TENT5D: variants seen among roughly 807,000 people sequenced by gnomAD.
The protein encoded by TENT5D is cancer/testis antigen 112.
For synonymous variants in TENT5D, 103 were observed against 100.6 expected (o/e 1.02, Z -0.15); for missense variants, 191 against 287.0 (o/e 0.67, Z 2.42).
intron 3 of TENT5D, among the ~76,000 whole-genome samples, chrX:80,356,486 C>T (rs1930286946): frequency 9.0e-6 from 1 of 111,363 alleles, no homozygotes; most frequent in African/African-American, 3.3e-5. Context: ...TTTTATGAAT[C>T]TGATCTCTTT....
intron 3 of TENT5D, among the ~76,000 whole-genome samples, chrX:80,343,992 C>T (rs1425246782): frequency 9.1e-6 from 1 of 110,489 alleles, no homozygotes; most frequent in Admixed American, 9.7e-5. Context: ...GGTTTTTCCC[C>T]TCTGAATCAA....
chrX:80,423,696 T>A (rs1931931622), intron 1 of TENT5D, among the ~76,000 whole-genome samples: 1 of 108,657 alleles, frequency 9.2e-6, no homozygotes. Flanking sequence ...GTTTAAAGCA[T>A]GTTTAGAAAA....
intron 3 of TENT5D, among the ~76,000 whole-genome samples, chrX:80,411,151 G>A (rs1232977145): frequency 1.9e-5 from 2 of 104,616 alleles, no homozygotes; most frequent in African/African-American, 7.0e-5. Context: ...GCTGGATGAC[G>A]AGTTAGTGGG....
intron 1 of TENT5D, among the ~76,000 whole-genome samples, chrX:80,437,165 TA>T (rs1172248194): frequency 8.9e-6 from 1 of 112,290 alleles, no homozygotes; most frequent in African/African-American, 3.2e-5. Context: ...AGCACCCAAC[TA>T]GTTAACTGAT....
intron 3 of TENT5D, among the ~76,000 whole-genome samples, chrX:80,396,651 G>A (rs1429146032): frequency 9.2e-6 from 1 of 108,243 alleles, no homozygotes; most frequent in Non-Finnish European, 1.9e-5. Context: ...AGAACAAAAC[G>A]AAAAGTCTCC....
At chrX:80,362,706 G>A (rs1930433888) in intron 3 of TENT5D, among the ~76,000 whole-genome samples, 1 of 110,999 alleles carries the variant, frequency 9.0e-6, no homozygotes, top group East Asian at 2.8e-4. Flanking sequence ...TAATAATACA[G>A]CTCACTGTGG....
chrX:80,335,929 G>A (rs763521241), intron 2 of TENT5D, among the ~76,000 whole-genome samples: 1 of 109,593 alleles, frequency 9.1e-6, no homozygotes, highest in Admixed American at 9.9e-5. Context: ...TATAAGATAC[G>A]AAAATTACTA....
At chrX:80,361,904 T>C (rs142808361) in intron 3 of TENT5D, among the ~76,000 whole-genome samples, 99 of 111,816 alleles carry the variant, frequency 8.9e-4, no homozygotes, top group Non-Finnish European at 1.6e-3. Flanking sequence ...TGCATGATGC[T>C]GAGGTTTGGG....
At chrX:80,428,578 T>G (rs1202459581) in intron 1 of TENT5D, among the ~76,000 whole-genome samples, 1 of 112,594 alleles carries the variant, frequency 8.9e-6, no homozygotes, top group Admixed American at 9.4e-5. Flanking sequence ...CAAGGCTTGC[T>G]TTAATTGTTT....
At chrX:80,405,843 T>C (rs2147548711) in intron 3 of TENT5D, among the ~76,000 whole-genome samples, 1 of 112,030 alleles carries the variant, frequency 8.9e-6, no homozygotes, top group Admixed American at 9.4e-5. Flanking sequence ...CAGACTTAAA[T>C]GTCCCTGTCT....
At chrX:80,359,417 T>C (rs1930359812) in intron 3 of TENT5D, among the ~76,000 whole-genome samples, 1 of 112,075 alleles carries the variant, frequency 8.9e-6, no homozygotes, top group South Asian at 3.7e-4. Context: ...CCATCAATGA[T>C]AGACTGGATA....
intron 3 of TENT5D, among the ~76,000 whole-genome samples, chrX:80,387,620 G>A (rs1569364240): frequency 9.0e-6 from 1 of 111,631 alleles, no homozygotes; most frequent in East Asian, 2.8e-4. Flanking sequence ...GTGCTGAGCT[G>A]TCTGCAGCTG....
intron 3 of TENT5D, among the ~76,000 whole-genome samples, chrX:80,360,904 G>GAC (rs1930395384): frequency 8.9e-6 from 1 of 111,968 alleles, no homozygotes; most frequent in African/African-American, 3.2e-5. Context: ...TAAAAAGCTG[G>GAC]ACATGGTAGC....
chrX:80,356,583 G>T (rs987947573), intron 3 of TENT5D, among the ~76,000 whole-genome samples: 6 of 110,977 alleles, frequency 5.4e-5, no homozygotes, highest in Non-Finnish European at 1.1e-4. Context: ...CTTCTTGTTA[G>T]ATTACTTTTT....
At chrX:80,394,920 C>T (rs1015451961) in intron 3 of TENT5D, among the ~76,000 whole-genome samples, 1 of 111,178 alleles carries the variant, frequency 9.0e-6, no homozygotes, top group South Asian at 3.8e-4. Flanking sequence ...AATACATTAT[C>T]GTTAACTATA....
intron 1 of TENT5D, among the ~76,000 whole-genome samples, chrX:80,434,805 C>T (rs1386739013): frequency 2.1e-5 from 2 of 94,396 alleles, no homozygotes; most frequent in Admixed American, 1.2e-4. Flanking sequence ...TTTTTTGAGA[C>T]GGAGTCTCTC....
At chrX:80,422,858 A>G (rs756484598) in intron 1 of TENT5D, among the ~76,000 whole-genome samples, 1 of 111,487 alleles carries the variant, frequency 9.0e-6, no homozygotes, top group Non-Finnish European at 1.9e-5. Context: ...TGACAGGGTT[A>G]TCCACAGAGG....
upstream of TENT5D, among the ~76,000 whole-genome samples, chrX:80,417,980 G>A (rs1309068672): frequency 1.8e-5 from 2 of 109,902 alleles, no homozygotes; most frequent in Non-Finnish European, 3.8e-5. Context: ...ACATAATCCT[G>A]TATTTCTTGG....
At chrX:80,376,789 C>T (rs917013494) in intron 3 of TENT5D, among the ~76,000 whole-genome samples, 16 of 111,653 alleles carry the variant, frequency 1.4e-4, no homozygotes, top group Non-Finnish European at 1.1e-4. Flanking sequence ...AAACATAGCA[C>T]TTTGGGTTAT....
Sources: allele counts gnomAD v4.1 joint callset (sites outside exome capture counted in the v4.1 genomes callset), GRCh38; gene constraint gnomAD v4.1.1; transcripts MANE v1.5; gene names NCBI Gene and HGNC (gene_info 2026-07-23, HGNC 2026-07-21).